Variants in THSD7B observed in about 807,000 individuals in gnomAD.
THSD7B encodes thrombospondin type-1 domain-containing protein 7B.
Under a neutral mutation model 213.6 loss-of-function variants are expected in THSD7B, and 138 were observed. The ratio of observed to expected loss-of-function variants is 0.65; its 90% confidence interval spans 0.56 to 0.74. The LOEUF is 0.74. Among genes scored for constraint, THSD7B ranks in the 30% least tolerant of loss-of-function variants. THSD7B has a pLI of 0.00. For missense variants in THSD7B, 1,931 were observed against 1,991.5 expected, an observed-to-expected ratio of 0.97 and a Z score of 0.58; for synonymous variants, 742 against 687.0, an observed-to-expected ratio of 1.08 and a Z score of -1.25.
intron 2 of THSD7B, among the ~76,000 whole-genome samples, chr2:136,974,059 C>G (rs146817928): frequency 6.6e-6 from 1 of 152,178 alleles, no homozygotes; most frequent in East Asian, 1.9e-4. Context: ...TTCATCTGAA[C>G]TTGATATTTA....
chr2:137,669,621 G>A (rs1252292353), intron 27 of THSD7B, among the ~76,000 whole-genome samples: 1 of 152,128 alleles, frequency 6.6e-6, no homozygotes, highest in Non-Finnish European at 1.5e-5. Flanking sequence ...GGACACGAAG[G>A]TTTGGCCAAT....
chr2:137,226,501 G>C (rs557505225), intron 7 of THSD7B, among the ~76,000 whole-genome samples: 1 of 150,712 alleles, frequency 6.6e-6, no homozygotes, highest in Admixed American at 6.6e-5. Context: ...TTTTTAATTG[G>C]TATATACATT....
At chr2:136,923,611 T>A (rs1684472931) in intron 2 of THSD7B, among the ~76,000 whole-genome samples, 2 of 152,190 alleles carry the variant, frequency 1.3e-5, no homozygotes, top group African/African-American at 4.8e-5. Context: ...CCATCTTCAT[T>A]AATACTTGTT....
intron 17 of THSD7B, among the ~76,000 whole-genome samples, chr2:137,577,369 A>G (rs1394610691): frequency 6.6e-6 from 1 of 152,060 alleles, no homozygotes; most frequent in East Asian, 1.9e-4. Context: ...CAAGTTTTTG[A>G]TATTTAATAT....
intron 14 of THSD7B, among the ~76,000 whole-genome samples, chr2:137,419,462 C>CTTTTTTTTTTTTTTTTTT: frequency 6.7e-6 from 1 of 148,872 alleles, no homozygotes; most frequent in Non-Finnish European, 1.5e-5. Context: ...GATGAAATAG[C>CTTTTTTTTTTTTTTTTTT]TCTCTGCAGA....
intron 7 of THSD7B, among the ~76,000 whole-genome samples, chr2:137,198,190 TC>T (rs1464277044): frequency 3.3e-5 from 5 of 152,180 alleles, no homozygotes; most frequent in African/African-American, 1.2e-4. Flanking sequence ...ATGTTTTGAG[TC>T]CAGAAATCAA....
chr2:137,238,148 C>A lies in THSD7B; in HGVS notation c.2151-4309C>A, dbSNP rs144288515. Among the ~76,000 whole-genome samples the A allele has an allele frequency of 2.2e-3, 328 of 152,206 alleles. 1 individual carries two copies. The highest frequency in any genetic ancestry group is 7.5e-3 in the African/African-American group (310 of 41,492). On this transcript the variant is annotated intron_variant, in intron 9 of 27. Transcript: ENST00000409968. ...ATCAGTTCCCTAAAAGAGATTAATG[C>A]CTACTCCTAATTGAAGGGGATAAAG...
intron 7 of THSD7B, among the ~76,000 whole-genome samples, chr2:137,224,641 A>G (rs368131572): frequency 6.6e-5 from 10 of 152,292 alleles, no homozygotes; most frequent in African/African-American, 2.4e-4. Flanking sequence ...AGTACATCCT[A>G]GGTGATCAAA....
chr2:137,611,543 T>C (rs1682289635), intron 17 of THSD7B, among the ~76,000 whole-genome samples: 1 of 152,112 alleles, frequency 6.6e-6, no homozygotes. Flanking sequence ...TGAAATGAGT[T>C]AAAGAACTTA....
intron 2 of THSD7B, among the ~76,000 whole-genome samples, chr2:136,884,679 ACTAT>A (rs1193887923): frequency 6.6e-6 from 1 of 152,238 alleles, no homozygotes; most frequent in Non-Finnish European, 1.5e-5. Flanking sequence ...GCTTTCTGCA[ACTAT>A]CTTTGATCAT....
chr2:137,172,067 T>G (rs1680264413), intron 7 of THSD7B, among the ~76,000 whole-genome samples: 2 of 152,200 alleles, frequency 1.3e-5, no homozygotes, highest in Admixed American at 6.5e-5. Context: ...ACTTTCGTAT[T>G]GCTTTTGTTT....
intron 2 of THSD7B, among the ~76,000 whole-genome samples, chr2:136,954,740 T>TAAAAAAAAAAAAAAAAAAAA (rs773677139): frequency 3.6e-5 from 5 of 137,494 alleles, no homozygotes; most frequent in African/African-American, 1.5e-4. Flanking sequence ...AAAAAGAAAT[T>TAAAAAAAAAAAAAAAAAAAA]ACATAAGAGC....
chr2:137,031,622 G>A (rs953587820), intron 2 of THSD7B, among the ~76,000 whole-genome samples: 2 of 151,908 alleles, frequency 1.3e-5, no homozygotes, highest in East Asian at 1.9e-4. Context: ...ATAACAAAAT[G>A]TATTTAACAA....
At chr2:136,962,403 C>CTTTTTTTTTTTTTTTT (rs71400559) in intron 2 of THSD7B, among the ~76,000 whole-genome samples, 1 of 100,180 alleles carries the variant, frequency 1.0e-5, no homozygotes, top group African/African-American at 3.8e-5. Context: ...AATCTGTTAT[C>CTTTTTTTTTTTTTTTT]TTTTTTTTTT....
chr2:137,340,563 T>C (rs546403283), intron 12 of THSD7B, among the ~76,000 whole-genome samples: 18 of 152,000 alleles, frequency 1.2e-4, no homozygotes, highest in African/African-American at 4.3e-4. Context: ...ATTTTGTATC[T>C]ATTGACCATT....
chr2:137,295,193 T>C (rs1039271449), intron 12 of THSD7B, among the ~76,000 whole-genome samples: 1 of 152,128 alleles, frequency 6.6e-6, no homozygotes, highest in Non-Finnish European at 1.5e-5. Flanking sequence ...CTGTTCCAAT[T>C]AAAACACTAG....
chr2:137,465,996 T>C (rs910765389), intron 15 of THSD7B, among the ~76,000 whole-genome samples: 3 of 152,106 alleles, frequency 2.0e-5, no homozygotes, highest in Non-Finnish European at 2.9e-5. Flanking sequence ...TGGCACGATA[T>C]GGTGGTAAAT....
At chr2:136,801,096 A>G (rs1030530831) in intron 1 of THSD7B, among the ~76,000 whole-genome samples, 2 of 152,014 alleles carry the variant, frequency 1.3e-5, no homozygotes, top group African/African-American at 4.8e-5. Context: ...TGGTTTGCAT[A>G]TCTTTGCCTT....
At chr2:137,326,248 C>A (rs1472919088) in intron 12 of THSD7B, among the ~76,000 whole-genome samples, 1 of 152,146 alleles carries the variant, frequency 6.6e-6, no homozygotes, top group Non-Finnish European at 1.5e-5. Flanking sequence ...GCATGCCCTT[C>A]AGAAGGGTAA....
Sources: gnomAD v4.1 joint callset for allele counts (sites outside exome capture counted in the v4.1 genomes callset) on GRCh38, gnomAD v4.1.1 for gene constraint, MANE v1.5 for transcripts, NCBI Gene and HGNC (gene_info 2026-07-23, HGNC 2026-07-21) for gene names.